EYA4: variants seen among roughly 807,000 people sequenced by gnomAD.
EYA4 encodes the protein EYA transcriptional coactivator and phosphatase 4.
In EYA4, 31 loss-of-function variants were observed where a neutral mutation model predicts 87.9. The ratio of observed to expected loss-of-function variants is 0.35; its 90% CI spans 0.27 to 0.48. The LOEUF is 0.48. Among genes scored for constraint, EYA4 ranks in the 20% least tolerant of loss-of-function variants. EYA4 has a pLI of 0.99. For synonymous variants in EYA4, 263 were observed against 270.6 expected (o/e 0.97, Z 0.28); for missense variants, 678 against 761.4 (o/e 0.89, Z 1.29).
intron 1 of EYA4, among the ~76,000 whole-genome samples, chr6:133,255,888 C>T (rs1004931005): frequency 3.3e-5 from 5 of 151,966 alleles, no homozygotes; most frequent in African/African-American, 4.8e-5. Context: ...TATGTCTCTT[C>T]GTACATCTGC....
chr6:133,283,246 A>G (rs1777770500), intron 2 of EYA4, among the ~76,000 whole-genome samples: 1 of 152,186 alleles, frequency 6.6e-6, no homozygotes, highest in South Asian at 2.1e-4. Context: ...GTGAGCCGAG[A>G]TTGTGCCACT....
chr6:133,378,950 T>TGTGC (rs1785939032), intron 2 of EYA4, among the ~76,000 whole-genome samples: 1 of 151,760 alleles, frequency 6.6e-6, no homozygotes, highest in Non-Finnish European at 1.5e-5. Context: ...TGTGTGTGTG[T>TGTGC]GTGTGTGTGT....
intron 3 of EYA4, among the ~76,000 whole-genome samples, chr6:133,428,908 CTTCTTTTTTTTTTTTTTTTTT>C (rs1435884822): frequency 6.0e-5 from 2 of 33,496 alleles, no homozygotes; most frequent in Non-Finnish European, 1.7e-4. Context: ...GTAGATTTAG[CTTCTTTTTTTTTTTTTTTTTT>C]TTTTTTTTTT....
chr6:133,245,592 C>T (rs1164156144), intron 1 of EYA4, among the ~76,000 whole-genome samples: 1 of 152,218 alleles, frequency 6.6e-6, no homozygotes, highest in East Asian at 1.9e-4. Context: ...TGAATTTTTC[C>T]TGCTAAACTA....
intron 1 of EYA4, among the ~76,000 whole-genome samples, chr6:133,255,620 A>G (rs777083102): frequency 6.6e-6 from 1 of 152,064 alleles, no homozygotes; most frequent in Non-Finnish European, 1.5e-5. Flanking sequence ...TTTTCTATAT[A>G]TGTGTAAATG....
At chr6:133,338,792 A>G (rs929893420) in intron 2 of EYA4, among the ~76,000 whole-genome samples, 4 of 152,194 alleles carry the variant, frequency 2.6e-5, no homozygotes, top group African/African-American at 9.7e-5. Context: ...AAACTAAACA[A>G]TATTACATGG....
At chr6:133,448,023 G>A in intron 4 of EYA4, 88 bp from the exon 5 acceptor site, 6 of 1,043,914 alleles carry the variant, frequency 5.7e-6, no homozygotes, top group Non-Finnish European at 9.0e-6. Context: ...TGGCTAAAAG[G>A]TCAGAAACCA....
chr6:133,323,968 T>A (rs940351353), intron 2 of EYA4, among the ~76,000 whole-genome samples: 2 of 152,124 alleles, frequency 1.3e-5, no homozygotes, highest in African/African-American at 4.8e-5. Context: ...AAGAATGAAC[T>A]TTTTGGGATT....
intron 3 of EYA4, among the ~76,000 whole-genome samples, chr6:133,420,391 C>T (rs1358529213): frequency 6.6e-6 from 1 of 152,210 alleles, no homozygotes. Flanking sequence ...TTGCATACAA[C>T]TTACAATTTT....
At chr6:133,486,260 T>C (rs1796674472) in intron 13 of EYA4, among the ~76,000 whole-genome samples, 11 of 152,208 alleles carry the variant, frequency 7.2e-5, no homozygotes, top group Admixed American at 7.2e-4. Context: ...ATTTACTTAA[T>C]GTAATTCAGA....
intron 2 of EYA4, among the ~76,000 whole-genome samples, chr6:133,367,785 G>A (rs185956599): frequency 6.4e-4 from 98 of 152,206 alleles, no homozygotes; most frequent in African/African-American, 1.7e-3. Flanking sequence ...TTAATAATTC[G>A]TACCTACAGG....
intron 3 of EYA4, among the ~76,000 whole-genome samples, chr6:133,392,297 G>A (rs1787369876): frequency 6.6e-6 from 1 of 151,838 alleles, no homozygotes; most frequent in Admixed American, 6.6e-5. Flanking sequence ...CCTCAATTTT[G>A]CCAAGATTAG....
At chr6:133,329,737 C>A (rs937207072) in intron 2 of EYA4, among the ~76,000 whole-genome samples, 4 of 152,004 alleles carry the variant, frequency 2.6e-5, no homozygotes, top group Non-Finnish European at 5.9e-5. Context: ...CATAAATAAC[C>A]TGGGTCTAAC....
At chr6:133,491,951 C>CAAAAAAAAAAAAAAAAA (rs34316449) in intron 13 of EYA4, among the ~76,000 whole-genome samples, 24 of 83,708 alleles carry the variant, frequency 2.9e-4, no homozygotes, top group African/African-American at 1.1e-3. Context: ...AACTCCGTCT[C>CAAAAAAAAAAAAAAAAA]AAAAAAAAAA....
intron 2 of EYA4, chr6:133,363,176 T>G (rs888985848): frequency 7.9e-5 from 12 of 152,266 alleles, no homozygotes; most frequent in Admixed American, 5.2e-4. Context: ...TAGCTTCCCC[T>G]GCTGAATTGT....
intron 3 of EYA4, among the ~76,000 whole-genome samples, chr6:133,399,032 A>C (rs1021738914): frequency 6.6e-6 from 1 of 152,132 alleles, no homozygotes; most frequent in African/African-American, 2.4e-5. Flanking sequence ...ATGCCTTCCC[A>C]TGTCTGCGGA....
chr6:133,281,068 C>G (rs1360216971), intron 2 of EYA4, among the ~76,000 whole-genome samples: 1 of 152,066 alleles, frequency 6.6e-6, no homozygotes, highest in Non-Finnish European at 1.5e-5. Context: ...TTTTTATGGC[C>G]AAATAATATT....
At chr6:133,514,131 A>T (rs1390376671) in intron 16 of EYA4, among the ~76,000 whole-genome samples, 2 of 152,142 alleles carry the variant, frequency 1.3e-5, no homozygotes, top group Non-Finnish European at 2.9e-5. Flanking sequence ...TAGCAACAAA[A>T]GGGAGCTTAG....
rs565644219 is a variant in EYA4 at position 133,244,356 on chromosome 6, A to G, written c.-66+2607A>G. 3.3e-5 allele frequency among the ~76,000 whole-genome samples: 5 copies of G among 152,146 alleles called. No individual in the cohort carries two copies. The South Asian group carries it at 6.2e-4, about 19-fold the overall frequency. On this transcript the variant is annotated intron_variant, in intron 1 of 19. Coordinates refer to ENST00000355286, the MANE Select transcript of EYA4 (RefSeq NM_004100.5). ...TTCCAAAATAAAACGTCTCACATAT[A>G]TGTATGTACTCACAATTAACACTTC...
Sources: gnomAD v4.1 joint callset for allele counts (sites outside exome capture counted in the v4.1 genomes callset) on GRCh38, gnomAD v4.1.1 for gene constraint, MANE v1.5 for transcripts, NCBI Gene and HGNC (gene_info 2026-07-23, HGNC 2026-07-21) for gene names.